Variants in FGL2 observed in about 807,000 individuals in gnomAD.
FGL2 encodes the protein fibroleukin.
FGL2 carries 21 observed loss-of-function variants against 36.0 expected under a neutral mutation model. That is an observed-to-expected ratio of 0.58 (90% confidence interval 0.41 to 0.84). The LOEUF is 0.84. Ranked by LOEUF, FGL2 falls within the 40% of genes least tolerant of loss-of-function variation. The pLI is 0.00. For missense variants in FGL2, 444 were observed against 526.3 expected (o/e 0.84, Z 1.53); for synonymous variants, 183 against 190.7 (o/e 0.96, Z 0.33).
In FGL2 at chr7:77,197,044, G is replaced by T. The variant is rs190252959; in HGVS notation, c.614-59C>A. 4.8e-5 allele frequency: 50 copies of T among 1,030,994 alleles called. No homozygotes were observed. In the African/African-American group the frequency reaches 7.3e-4, roughly 15 times the overall value. The allele number at this position is 1,030,994 out of a possible 1,614,324, so 63.9% of individuals were successfully genotyped here. On this transcript the variant is annotated intron_variant, in intron 1 of 1. Transcript: ENST00000248598. ...TGTTAATAGAAACCATGCATCTGAA[G>T]AATTCTTTATATGTACAAAAGCAGT...
rs777003440 is a variant in FGL2 at position 77,196,591 on chromosome 7, A to G, written c.1008T>C (p.Asn336=). ...AACGTAATGCATCTCCAGCTGTGCC[A>G]TTATAGTTACCAACGTGTAAACGAT... ...LKYRLHVGNY[N]GTAGDALRFN... The change falls in exon 2 of 2, where the codon AAT becomes AAC. Residue 336 remains asparagine (N), a synonymous_variant. Coordinates refer to ENST00000248598, the MANE Select transcript of FGL2 (RefSeq NM_006682.3). The surrounding 1 kb of genome is among the most constrained non-coding windows in gnomAD (Gnocchi z 4.2). 3 of 1,614,172 alleles carry G rather than the reference A, an allele frequency of 1.9e-6. No homozygotes were observed. Among genetic ancestry groups the G allele is most frequent in the East Asian group, 2.2e-5 (1 of 44,888 alleles).
chr7:77,196,292 T>G lies in FGL2; in HGVS notation c.1307A>C (p.His436Pro), dbSNP rs758447764. Residue 436 changes from histidine (H) to proline (P), a missense_variant, in exon 2 of 2, where the codon CAC becomes CCC. Transcript: ENST00000248598. This position sits in a 1 kb window ranked among gnomAD's most constrained non-coding sequence, Gnocchi z 4.2. ...GAACAGAGTGATTTATGGCTTAAAG[T>G]GCTTGGGTCTGATCATCATCTTAGC... The part of the protein sequence containing the change: ...KEAKMMIRPK[H>P]FKP 6.2e-7 allele frequency: 1 copy of G among 1,612,598 alleles called. No individual in the cohort carries two copies. Among genetic ancestry groups the G allele is most frequent in the South Asian group, 1.1e-5 (1 of 90,954 alleles).
In FGL2 at chr7:77,199,487, C is replaced by G. The variant is rs1791942765; in HGVS notation, c.307G>C (p.Ala103Pro). 6.2e-7 allele frequency: 1 copy of G among 1,613,990 alleles called. No homozygotes were observed. Among genetic ancestry groups the G allele is most frequent in the South Asian group, 1.1e-5 (1 of 91,076 alleles). ...CTGCCTGGGTCTCCGTTGTCATCAG[C>G]CTGCAGCTTGCAGTCTTGGCAAGAT... is the stretch of plus-strand genomic sequence containing the variant. ...KKSCQDCKLQ[A>P]DDNGDPGRNG... The change falls in exon 1 of 2, where the codon GCT (alanine) becomes CCT (proline). Residue 103 changes from alanine to proline, a missense_variant. Physicochemically the swap from Ala to Pro is conservative, Grantham distance 27. Coordinates refer to ENST00000248598, the MANE Select transcript of FGL2 (RefSeq NM_006682.3).
chr7:77,198,823 T>C (rs1791924008), intron 1 of FGL2: 1 of 282,326 alleles, frequency 3.5e-6, no homozygotes, highest in Non-Finnish European at 6.6e-6. Flanking sequence ...AAGGCACAAT[T>C]GTGAACATCG....
In FGL2 at chr7:77,199,299, A is replaced by G. The variant is rs1174787806; in HGVS notation, c.495T>C (p.Asn165=). The G allele has an allele frequency of 6.2e-7, 1 of 1,614,154 alleles. No individual in the cohort carries two copies. Residue 165 remains asparagine (N), a synonymous_variant, in exon 1 of 2, where the codon AAT becomes AAC. Coordinates refer to ENST00000248598, the MANE Select transcript of FGL2 (RefSeq NM_006682.3). ...HGRLEKLNLV[N]MNNIENYVDS... ...CAACATAATTTTCTATGTTGTTCAT[A>G]TTTACAAGATTCAGCTTCTCCAGGC...
chr7:77,196,413 G>A lies in FGL2; in HGVS notation c.1186C>T (p.Gln396Ter), dbSNP rs1270628747. The A allele has an allele frequency of 6.2e-7, 1 of 1,614,062 alleles. No individual in the cohort carries two copies. The highest frequency in any genetic ancestry group is 1.1e-5 in the South Asian group (1 of 91,080). ...CCATTACGGACACCTCTGTATTTTT[G>A]GTGATAATATTTGCCATTTAAGTTT... is the stretch of plus-strand genomic sequence containing the variant. ...SANLNGKYYH[Q>*]KYRGVRNGIF... Residue 396 changes from glutamine (Q) to a stop codon, truncating the protein, a stop_gained, in exon 2 of 2, where the codon CAA (glutamine) becomes TAA (stop). Transcript: ENST00000248598. LOFTEE classifies it high-confidence loss of function. This position sits in a 1 kb window ranked among gnomAD's most constrained non-coding sequence, Gnocchi z 4.2.
At position 77,199,526 on chromosome 7, in the gene FGL2, T is replaced by A; in HGVS notation, c.268A>T (p.Asn90Tyr). The change falls in exon 1 of 2, where the codon AAT (asparagine) becomes TAT (tyrosine). Residue 90 changes from asparagine (N) to tyrosine (Y), a missense_variant. Transcript: ENST00000248598. ...KEVQNLKEIVNSLKKSCQDCK... is the reference protein window; with the variant it reads ...KEVQNLKEIVYSLKKSCQDCK... ...TCTTGGCAAGATTTCTTTAGACTAT[T>A]TACGATTTCCTTGAGGTTTTGGACT... is the stretch of plus-strand genomic sequence containing the variant. 1 of 1,614,156 alleles carries A rather than the reference T, an allele frequency of 6.2e-7. No individual in the cohort carries two copies. The highest frequency in any genetic ancestry group is 1.1e-5 in the South Asian group (1 of 91,086).
rs1345349881 is a variant in FGL2, at chr7:77,196,211, T to C, written c.*68A>G. The C allele has an allele frequency of 4.3e-6, 5 of 1,162,500 alleles. No homozygotes were observed. The highest frequency in any genetic ancestry group is 2.0e-4 in the Middle Eastern group (1 of 5,018). The allele number at this position is 1,162,500 out of a possible 1,614,324, so 72.0% of individuals were successfully genotyped here. On this transcript the variant is annotated 3_prime_UTR_variant, in exon 2 of 2. Transcript: ENST00000248598. The surrounding 1 kb of genome is among the most constrained non-coding windows in gnomAD (Gnocchi z 4.2). ...TATGAAAAATATGAAACAAGGCATATTCTAAAGTGCTGAAGGAATTAATTG... is the reference window on the plus strand; with the variant it reads ...TATGAAAAATATGAAACAAGGCATACTCTAAAGTGCTGAAGGAATTAATTG...
intron 1 of FGL2, chr7:77,198,812 C>G: frequency 3.9e-6 from 1 of 255,528 alleles, no homozygotes; most frequent in Non-Finnish European, 7.4e-6. Context: ...TTCCAACAAA[C>G]AAGGCACAAT....
chr7:77,199,072 G>T (rs1791928983), intron 1 of FGL2, 109 bp downstream of exon 1: 1 of 932,596 alleles, frequency 1.1e-6, no homozygotes, highest in South Asian at 1.6e-5. Context: ...ATAAATAAAA[G>T]ACTTAATCTG....
rs1322687544 is a variant in FGL2 at position 77,199,438 on chromosome 7, G to T, written c.356C>A (p.Thr119Lys). ...PGRNGLLLPS[T>K]GAPGEVGDNR... is the part of the protein sequence containing the mutation. ...ATCACCAACCTCTCCCGGGGCTCCTGTACTGGGTAACAACAGTCCGTTTCT... is the reference window on the plus strand; with the variant it reads ...ATCACCAACCTCTCCCGGGGCTCCTTTACTGGGTAACAACAGTCCGTTTCT... Residue 119 changes from threonine to lysine, a missense_variant, in exon 1 of 2, where the codon ACA becomes AAA. By Grantham distance (78) the Thr-to-Lys change is moderately conservative (BLOSUM62 -1). Coordinates refer to ENST00000248598, the MANE Select transcript of FGL2 (RefSeq NM_006682.3). 1 of 1,614,010 alleles carries T rather than the reference G, an allele frequency of 6.2e-7. No homozygotes were observed. Among genetic ancestry groups the T allele is most frequent in the Non-Finnish European group, 8.5e-7 (1 of 1,180,046 alleles).
At position 77,195,336 on chromosome 7, in the gene FGL2, T is replaced by C. The variant is rs911658360; in HGVS notation, c.*943A>G. On this transcript the variant is annotated 3_prime_UTR_variant, in exon 2 of 2. Transcript: ENST00000248598. ...AATGAATTACCTTTAAACCCTGGTC[T>C]TCACAGTTACATTGCTTTCTGAATG... is the stretch of plus-strand genomic sequence containing the variant. 6.6e-6 allele frequency: 1 copy of C among 152,224 alleles called. No individual in the cohort carries two copies. The highest frequency in any genetic ancestry group is 2.4e-5 in the African/African-American group (1 of 41,456). The allele number at this position is 152,224 out of a possible 1,614,324, so 9.4% of individuals were successfully genotyped here. A position where few individuals can be genotyped will look rare whatever the true frequency, so the allele number is the denominator to read the frequency against.
At chr7:77,198,850 T>C (rs1584064157) in intron 1 of FGL2, 2 of 354,430 alleles carry the variant, frequency 5.6e-6, no homozygotes, top group East Asian at 9.4e-5. Flanking sequence ...CTTTATTGTT[T>C]TCAAACACCT....
intron 1 of FGL2, 108 bp downstream of exon 1, chr7:77,199,073 A>T (rs1791929050): frequency 1.1e-6 from 1 of 942,030 alleles, no homozygotes; most frequent in Non-Finnish European, 1.6e-6. Context: ...TAAATAAAAG[A>T]CTTAATCTGT....
At chr7:77,198,461 T>A (rs1014266583) in intron 1 of FGL2, 3 of 207,062 alleles carry the variant, frequency 1.4e-5, no homozygotes, top group African/African-American at 7.1e-5. Flanking sequence ...ATTAAGTCTG[T>A]GGAATTTCAC....
chr7:77,196,317 C>A lies in FGL2; in HGVS notation c.1282G>T (p.Ala428Ser). ...TGCTTGGGTCTGATCATCATCTTAG[C>A]CTCTTTGAAGGAGGACTTGTAGCCA... is the stretch of plus-strand genomic sequence containing the variant. ...PGGYKSSFKE[A>S]KMMIRPKHFK... The change falls in exon 2 of 2, where the codon GCT (alanine) becomes TCT (serine). Residue 428 changes from alanine (A) to serine (S), a missense_variant. Physicochemically the swap from Ala to Ser is moderately conservative, Grantham distance 99. Coordinates refer to ENST00000248598, the MANE Select transcript of FGL2 (RefSeq NM_006682.3). This position sits in a 1 kb window ranked among gnomAD's most constrained non-coding sequence, Gnocchi z 4.2. The A allele has an allele frequency of 6.2e-7, 1 of 1,614,030 alleles. No homozygotes were observed. Among genetic ancestry groups the A allele is most frequent in the Non-Finnish European group, 8.5e-7 (1 of 1,179,976 alleles).
Position 77,196,258 on chromosome 7 carries a change from TG to T in FGL2, c.*20del. Reference sequence around the variant, plus strand: ...ATTGCCCTATTAGATAACGAATACCTGGAGGAATGAACAGAGTGATTTATGG... The same window carrying T: ...ATTGCCCTATTAGATAACGAATACCTGAGGAATGAACAGAGTGATTTATGG... On this transcript the variant is annotated 3_prime_UTR_variant, in exon 2 of 2. Coordinates refer to ENST00000248598, the MANE Select transcript of FGL2 (RefSeq NM_006682.3). This position sits in a 1 kb window ranked among gnomAD's most constrained non-coding sequence, Gnocchi z 4.2. 1 of 1,564,562 alleles carries T rather than the reference TG, an allele frequency of 6.4e-7. No homozygotes were observed. Among genetic ancestry groups the T allele is most frequent in the Non-Finnish European group, 8.7e-7 (1 of 1,143,234 alleles).
Position 77,195,409 on chromosome 7 carries a change from A to G in FGL2, c.*870T>C, listed in dbSNP as rs2150429496. On this transcript the variant is annotated 3_prime_UTR_variant, in exon 2 of 2. Transcript: ENST00000248598. ...ACCACATTTTTAAACGGTTTAAATG[A>G]CAAGTATTTTATATTTCATGAATGA... 1 of 152,314 alleles carries G rather than the reference A, an allele frequency of 6.6e-6. No homozygotes were observed. Among genetic ancestry groups the G allele is most frequent in the East Asian group, 1.9e-4 (1 of 5,192 alleles). 9.4% of individuals were successfully genotyped at this position (152,314 alleles called of 1,614,324 possible).
In FGL2 at chr7:77,196,699, C is replaced by T. The variant is rs1453814475; in HGVS notation, c.900G>A (p.Leu300=). ...CATTAAAGTCTTCAAGATCTATTCTCAGAATCATTTCCTTACTCTTGGTCA... is the reference window on the plus strand; with the variant it reads ...CATTAAAGTCTTCAAGATCTATTCTTAGAATCATTTCCTTACTCTTGGTCA... ...HLLTKSKEMI[L]RIDLEDFNGV... Residue 300 remains leucine, a synonymous_variant, in exon 2 of 2, where the codon CTG becomes CTA. Coordinates refer to ENST00000248598, the MANE Select transcript of FGL2 (RefSeq NM_006682.3). The surrounding 1 kb of genome is among the most constrained non-coding windows in gnomAD (Gnocchi z 4.2). 1.2e-5 allele frequency: 20 copies of T among 1,614,222 alleles called. No homozygotes were observed. Among genetic ancestry groups the T allele is most frequent in the Non-Finnish European group, 1.4e-5 (17 of 1,180,016 alleles).
Sources: gnomAD v4.1 joint callset for allele counts on GRCh38, gnomAD v4.1.1 for gene constraint, Gnocchi (gnomAD v3.1) non-coding constraint, MANE v1.5 for transcripts, NCBI Gene and HGNC (gene_info 2026-07-23, HGNC 2026-07-21) for gene names.